The following DLGAP1 variants were observed in gnomAD, a reference collection of about 807,000 sequenced individuals.
DLGAP1 encodes the protein DLG associated protein 1.
A neutral mutation model predicts 90.8 loss-of-function variants in DLGAP1; 11 were observed. The observed-to-expected ratio is 0.12, with a 90% CI of 0.08 to 0.20. The LOEUF is 0.20. Ranked by LOEUF, DLGAP1 falls within the 10% of genes least tolerant of loss-of-function variation. The pLI, the probability that DLGAP1 is intolerant of heterozygous loss-of-function variation, is 1.00. For missense variants in DLGAP1, 1,050 were observed against 1,333.8 expected, an observed-to-expected ratio of 0.79 and a Z score of 3.31; for synonymous variants, 558 against 540.7, an observed-to-expected ratio of 1.03 and a Z score of -0.44.
chr18:3,545,370 A>C (rs914442594), intron 9 of DLGAP1, among the ~76,000 whole-genome samples: 2 of 152,354 alleles, frequency 1.3e-5, no homozygotes, highest in Admixed American at 1.3e-4. Flanking sequence ...CAAGTATTTC[A>C]TCAAAAGATG....
chr18:4,284,578 T>C (rs748138651), intron 1 of DLGAP1, among the ~76,000 whole-genome samples: 5 of 152,174 alleles, frequency 3.3e-5, no homozygotes, highest in Admixed American at 2.0e-4. Flanking sequence ...TTACAGGTGA[T>C]GCTGAAGCTG....
rs1310571322 is a variant in DLGAP1 at position 4,088,752 on chromosome 18, C to G, written c.-159+62428G>C. 2.0e-5 allele frequency among the ~76,000 whole-genome samples: 3 copies of G among 151,978 alleles called. No individual in the cohort carries two copies. The East Asian group carries it at 5.8e-4, about 29-fold the overall frequency. ...AGGCCTTTAATAAAATTCAACATTCCTTCATGTTAAAAAAACTCTCAATAA... is the reference window on the plus strand; with the variant it reads ...AGGCCTTTAATAAAATTCAACATTCGTTCATGTTAAAAAAACTCTCAATAA... On this transcript the variant is annotated intron_variant, in intron 2 of 12. Transcript: ENST00000315677.
In DLGAP1 at chr18:4,442,840, C is replaced by T. The variant is rs777477915; in HGVS notation, c.-267+12166G>A. On this transcript the variant is annotated intron_variant, in intron 1 of 12. Coordinates refer to ENST00000315677, the MANE Select transcript of DLGAP1 (RefSeq NM_004746.4). ...TTATGTTTATTATCTCTATTTTCTCCGACTGGGACGTATGCTCCATGGCTC... is the reference window on the plus strand; with the variant it reads ...TTATGTTTATTATCTCTATTTTCTCTGACTGGGACGTATGCTCCATGGCTC... Among the ~76,000 whole-genome samples, 24 of 152,130 alleles carry T rather than the reference C, an allele frequency of 1.6e-4. 2 individuals carry two copies. Among genetic ancestry groups the T allele is most frequent in the Non-Finnish European group, 2.8e-4 (19 of 68,032 alleles).
intron 7 of DLGAP1, among the ~76,000 whole-genome samples, chr18:3,646,409 G>A (rs73383027): frequency 0.19 from 29,419 of 151,748 alleles, 3,029 homozygotes; most frequent in African/African-American, 0.21. Flanking sequence ...GAAAAAGATA[G>A]GAAAAGAAAA....
chr18:4,014,845 A>T (rs2074493529), intron 2 of DLGAP1, among the ~76,000 whole-genome samples: 1 of 152,142 alleles, frequency 6.6e-6, no homozygotes, highest in African/African-American at 2.4e-5. Flanking sequence ...GGTCCTGCAG[A>T]GGTTCTACCC....
chr18:4,230,916 TTAAAAA>T (rs1287999681), intron 1 of DLGAP1, among the ~76,000 whole-genome samples: 1 of 151,458 alleles, frequency 6.6e-6, no homozygotes, highest in East Asian at 1.9e-4. Context: ...TACTCCAAAA[TTAAAAA>T]TAAATAATTT....
At chr18:3,583,735 G>A (rs2055709695) in intron 7 of DLGAP1, among the ~76,000 whole-genome samples, 1 of 152,086 alleles carries the variant, frequency 6.6e-6, no homozygotes, top group Admixed American at 6.6e-5. Context: ...ATCACCTGAG[G>A]TCAGGAGTTT....
At chr18:3,820,136 G>C (rs1003316393) in intron 4 of DLGAP1, among the ~76,000 whole-genome samples, 6 of 152,168 alleles carry the variant, frequency 3.9e-5, no homozygotes, top group African/African-American at 1.4e-4. Context: ...CTTTGAGAGC[G>C]GATTATCTCA....
intron 7 of DLGAP1, among the ~76,000 whole-genome samples, chr18:3,599,049 C>T (rs1477794919): frequency 2.6e-5 from 4 of 151,328 alleles, no homozygotes; most frequent in Non-Finnish European, 5.9e-5. Flanking sequence ...GCTGGGATTA[C>T]AGGCGTGAGC....
At chr18:3,567,813 C>T (rs1427469731) in intron 8 of DLGAP1, among the ~76,000 whole-genome samples, 1 of 152,136 alleles carries the variant, frequency 6.6e-6, no homozygotes, top group Non-Finnish European at 1.5e-5. Context: ...GTTTATGATT[C>T]CTCCACAGAT....
chr18:4,284,073 G>C (rs992995926), intron 1 of DLGAP1, among the ~76,000 whole-genome samples: 3 of 151,952 alleles, frequency 2.0e-5, no homozygotes, highest in Admixed American at 1.3e-4. Flanking sequence ...GGAGGTGGAG[G>C]GGGGAGGATG....
At chr18:4,057,857 C>T (rs766670834) in intron 2 of DLGAP1, among the ~76,000 whole-genome samples, 2 of 152,138 alleles carry the variant, frequency 1.3e-5, no homozygotes, top group Non-Finnish European at 2.9e-5. Context: ...ATGTGTTCAA[C>T]CCCTGTACAT....
At position 3,727,267 on chromosome 18, in the gene DLGAP1, G is replaced by A. The variant is rs753247093; in HGVS notation, c.1591+1868C>T. On this transcript the variant is annotated intron_variant, in intron 7 of 12. Coordinates refer to ENST00000315677, the MANE Select transcript of DLGAP1 (RefSeq NM_004746.4). The surrounding 1 kb of genome is among the most constrained non-coding windows in gnomAD (Gnocchi z 4.7). ...ATCTGAGAAGTGTCTTAGGAGGGCAGACCCCATGTGTGTTTGGAGTGAAGA... is the reference window on the plus strand; with the variant it reads ...ATCTGAGAAGTGTCTTAGGAGGGCAAACCCCATGTGTGTTTGGAGTGAAGA... 1.4e-4 allele frequency among the ~76,000 whole-genome samples: 21 copies of A among 152,308 alleles called. No individual in the cohort carries two copies. Among genetic ancestry groups the A allele is most frequent in the Middle Eastern group, 3.4e-3 (1 of 294 alleles).
intron 1 of DLGAP1, among the ~76,000 whole-genome samples, chr18:4,366,455 G>T (rs2081769015): frequency 1.3e-5 from 2 of 151,966 alleles, no homozygotes; most frequent in African/African-American, 2.4e-5. Flanking sequence ...GTCAATACAA[G>T]AATTATTTCT....
At chr18:4,117,748 G>A (rs758762038) in intron 2 of DLGAP1, among the ~76,000 whole-genome samples, 5 of 152,168 alleles carry the variant, frequency 3.3e-5, no homozygotes, top group Non-Finnish European at 7.3e-5. Flanking sequence ...ACAGTCTTGG[G>A]TGTGTACAGG....
chr18:4,057,843 C>G (rs1000493310), intron 2 of DLGAP1, among the ~76,000 whole-genome samples: 3 of 152,186 alleles, frequency 2.0e-5, no homozygotes, highest in African/African-American at 4.8e-5. Context: ...CCTTCCTTAG[C>G]TGGATGTGTT....
chr18:4,418,678 G>T (rs191750665), intron 1 of DLGAP1, among the ~76,000 whole-genome samples: 9 of 152,216 alleles, frequency 5.9e-5, no homozygotes, highest in Admixed American at 5.2e-4. Flanking sequence ...AGAGAAAAAT[G>T]TTTGGAAAAA....
chr18:4,298,652 TC>T (rs1164586889), intron 1 of DLGAP1, among the ~76,000 whole-genome samples: 1 of 151,876 alleles, frequency 6.6e-6, no homozygotes, highest in East Asian at 1.9e-4. Flanking sequence ...AGGGAAAGCA[TC>T]GGGAGATATA....
chr18:3,936,483 C>G (rs1364188533), intron 3 of DLGAP1, among the ~76,000 whole-genome samples: 1 of 152,178 alleles, frequency 6.6e-6, no homozygotes, highest in African/African-American at 2.4e-5. Flanking sequence ...GATGGCTTCC[C>G]CCTTGTTCCA....
Sources: allele counts gnomAD v4.1 joint callset (sites outside exome capture counted in the v4.1 genomes callset), GRCh38; gene constraint gnomAD v4.1.1; non-coding constraint Gnocchi (gnomAD v3.1); transcripts MANE v1.5; gene names NCBI Gene and HGNC (gene_info 2026-07-23, HGNC 2026-07-21).